The following CTSH variants were observed in gnomAD, a reference collection of about 807,000 sequenced individuals.
CTSH encodes cathepsin H.
In CTSH, 52 loss-of-function variants were observed where a neutral mutation model predicts 56.3. The ratio of observed to expected loss-of-function variants is 0.92; its 90% confidence interval spans 0.74 to 1.16. CTSH has a LOEUF of 1.16. Ranked by LOEUF, CTSH falls within the 50% of genes most tolerant of loss-of-function variation. The pLI is 0.00. For synonymous variants in CTSH, 174 were observed against 155.7 expected, an observed-to-expected ratio of 1.12 and a Z score of -0.88; for missense variants, 406 against 424.5, an observed-to-expected ratio of 0.96 and a Z score of 0.38.
At chr15:78,924,852 C>CTTTTTTTTTTTT (rs10689092) in intron 10 of CTSH, among the ~76,000 whole-genome samples, 1 of 135,770 alleles carries the variant, frequency 7.4e-6, no homozygotes. Context: ...ACCACGCTGG[C>CTTTTTTTTTTTT]TTTTTTTTTT....
At chr15:78,922,971 G>C (rs1387107378) in intron 11 of CTSH, 22 bp downstream of exon 11, 1 of 1,596,730 alleles carries the variant, frequency 6.3e-7, no homozygotes, top group Non-Finnish European at 8.5e-7. Flanking sequence ...CCTCCCAGAA[G>C]TGGGACCTGG....
intron 6 of CTSH, chr15:78,932,166 T>C: frequency 2.1e-6 from 2 of 951,252 alleles, no homozygotes; most frequent in African/African-American, 3.3e-5. Flanking sequence ...GAATGAGCCC[T>C]TGGGCCGGTT....
intron 10 of CTSH, among the ~76,000 whole-genome samples, chr15:78,925,023 G>A (rs1269811047): frequency 6.6e-6 from 1 of 152,010 alleles, no homozygotes; most frequent in East Asian, 1.9e-4. Flanking sequence ...TAAACTGGAG[G>A]CAACTCTTCT....
chr15:78,936,993 C>G, intron 3 of CTSH: 1 of 284,650 alleles, frequency 3.5e-6, no homozygotes, highest in Non-Finnish European at 6.7e-6. Context: ...TGCTCTGAGC[C>G]CATGAGCAAC....
rs2055072972 is a variant in CTSH at position 78,932,071 on chromosome 15, C to A, written c.492+301G>T. 2.4e-6 allele frequency: 3 copies of A among 1,250,312 alleles called. No homozygotes were observed. The Admixed American group carries it at 1.1e-4, about 46-fold the overall frequency. The allele number at this position is 1,250,312 out of a possible 1,614,324, so 77.5% of individuals were successfully genotyped here. ...GAAGGGTGTAGCTCCTAGTTGGCTA[C>A]CCACCAGGCAGGCTCCGCCTTTCTG... On this transcript the variant is annotated intron_variant, in intron 6 of 11. Coordinates refer to ENST00000220166, the MANE Select transcript of CTSH (RefSeq NM_004390.5).
chr15:78,923,123 A>AAAAC lies in CTSH; in HGVS notation c.807-9_807-6dup, dbSNP rs757118950. On this transcript the variant is annotated splice_polypyrimidine_tract_variant and splice_region_variant and intron_variant, in intron 10 of 11. Transcript: ENST00000220166. Reference sequence around the variant, plus strand: ...GGAGTTTTATGGCAGGAAGTACTGGAAAACAAAATTCAAAAAGAGGTGATC... The same window carrying AAAAC: ...GGAGTTTTATGGCAGGAAGTACTGGAAAACAAACAAAATTCAAAAAGAGGTGATC... The AAAAC allele has an allele frequency of 1.2e-6, 2 of 1,612,718 alleles. No homozygotes were observed. The highest frequency in any genetic ancestry group is 1.7e-6 in the Non-Finnish European group (2 of 1,179,690).
At chr15:78,927,808 T>C in intron 8 of CTSH, 27 bp from the exon 9 acceptor site, 1 of 1,605,428 alleles carries the variant, frequency 6.2e-7, no homozygotes, top group Middle Eastern at 1.7e-4. Context: ...GGGCATGAAA[T>C]ACAGGTTATG....
chr15:78,944,762 G>A lies in CTSH; in HGVS notation c.91+129C>T. 2.9e-6 allele frequency: 4 copies of A among 1,375,554 alleles called. No homozygotes were observed. The South Asian group carries it at 6.6e-5, about 23-fold the overall frequency. The allele number at this position is 1,375,554 out of a possible 1,614,324, so 85.2% of individuals were successfully genotyped here. ...ACCCCTCCCCGTGCCAGCACGCAGA[G>A]TTCCTGGCCTCTCACCGGGGAAAGC... On this transcript the variant is annotated intron_variant, in intron 1 of 11. Coordinates refer to ENST00000220166, the MANE Select transcript of CTSH (RefSeq NM_004390.5).
chr15:78,935,589 C>G, intron 4 of CTSH, 91 bp downstream of exon 4: 1 of 1,111,418 alleles, frequency 9.0e-7, no homozygotes, highest in Non-Finnish European at 1.3e-6. Flanking sequence ...GGGGATGGGA[C>G]TGAATCTGCC....
chr15:78,934,330 C>A (rs1430416305), intron 5 of CTSH, among the ~76,000 whole-genome samples: 1 of 152,252 alleles, frequency 6.6e-6, no homozygotes, highest in Non-Finnish European at 1.5e-5. Context: ...CGGCATCCTT[C>A]TGAAGAAGGC....
At chr15:78,923,167 CA>C (rs758353197) in intron 10 of CTSH, 49 bp from the exon 11 acceptor site, 3 of 1,605,682 alleles carry the variant, frequency 1.9e-6, no homozygotes, top group South Asian at 2.2e-5. Context: ...AGGATAAAAG[CA>C]ATGACAGTCC....
At chr15:78,939,772 A>G (rs947733366) in intron 1 of CTSH, among the ~76,000 whole-genome samples, 23 of 152,352 alleles carry the variant, frequency 1.5e-4, no homozygotes, top group Admixed American at 5.2e-4. Context: ...CTGTAATCCC[A>G]GCTACTCGGG....
At chr15:78,936,522 G>C (rs563210315) in intron 3 of CTSH, among the ~76,000 whole-genome samples, 3 of 152,092 alleles carry the variant, frequency 2.0e-5, no homozygotes, top group African/African-American at 7.2e-5. Flanking sequence ...CAGAAATGAG[G>C]TTCAAGCCCA....
At chr15:78,938,570 A>G (rs929760227) in intron 2 of CTSH, among the ~76,000 whole-genome samples, 4 of 152,146 alleles carry the variant, frequency 2.6e-5, no homozygotes, top group Non-Finnish European at 5.9e-5. Flanking sequence ...CTCCAGTTCC[A>G]TCCATGTTGC....
At chr15:78,936,175 CT>C (rs959898169) in intron 3 of CTSH, among the ~76,000 whole-genome samples, 5 of 130,780 alleles carry the variant, frequency 3.8e-5, no homozygotes, top group Non-Finnish European at 7.9e-5. Context: ...TTTTTCTTTT[CT>C]TTTCTTTTTT....
rs574635354 is a variant in CTSH, at chr15:78,939,616, G to A, written c.92-445C>T. On this transcript the variant is annotated intron_variant, in intron 1 of 11. Coordinates refer to ENST00000220166, the MANE Select transcript of CTSH (RefSeq NM_004390.5). ...AAAGCTATCTACTCCAGCTGGGCGC[G>A]GTGGCTCATGCCTGTAATCCCAGCA... is the stretch of plus-strand genomic sequence containing the variant. 2.6e-5 allele frequency among the ~76,000 whole-genome samples: 4 copies of A among 152,308 alleles called. No homozygotes were observed. The East Asian group carries it at 5.8e-4, about 22-fold the overall frequency.
At chr15:78,939,221 A>T (rs1240676798) in intron 1 of CTSH, 50 bp from the exon 2 acceptor site, 1 of 1,481,226 alleles carries the variant, frequency 6.8e-7, no homozygotes, top group African/African-American at 1.4e-5. Flanking sequence ...AGTAATGTTG[A>T]GTCTATAGCA....
At position 78,944,884 on chromosome 15, in the gene CTSH, T is replaced by C; in HGVS notation, c.91+7A>G. 1 of 1,546,452 alleles carries C rather than the reference T, an allele frequency of 6.5e-7. No homozygotes were observed. Among genetic ancestry groups the C allele is most frequent in the Non-Finnish European group, 8.7e-7 (1 of 1,144,732 alleles). ...GCACCCTCTCGGGCGGCGCGCCCTC[T>C]GCGTACCTAAGGAGTTCACGCACAG... On this transcript the variant is annotated splice_region_variant and intron_variant, in intron 1 of 11. Transcript: ENST00000220166.
At chr15:78,933,711 C>A (rs913719501) in intron 5 of CTSH, 4 of 286,924 alleles carry the variant, frequency 1.4e-5, no homozygotes, top group African/African-American at 8.7e-5. Context: ...GGTTTTGAGT[C>A]CCCTTTGTCA....
Sources: gnomAD v4.1 joint callset for allele counts (sites outside exome capture counted in the v4.1 genomes callset) on GRCh38, gnomAD v4.1.1 for gene constraint, MANE v1.5 for transcripts, NCBI Gene and HGNC (gene_info 2026-07-23, HGNC 2026-07-21) for gene names.